Variants in CFAP300 observed in about 807,000 individuals in gnomAD.
CFAP300 encodes cilia- and flagella-associated protein 300.
Under a neutral mutation model 33.0 loss-of-function variants are expected in CFAP300, and 32 were observed. The ratio of observed to expected loss-of-function variants is 0.97; its 90% CI spans 0.73 to 1.30. CFAP300 has a LOEUF of 1.30. Ranked by LOEUF, CFAP300 falls within the 50% of genes most tolerant of loss-of-function variation. The pLI, the probability that CFAP300 is intolerant of heterozygous loss-of-function variation, is 0.00. For synonymous variants in CFAP300, 102 were observed against 106.8 expected, an observed-to-expected ratio of 0.95 and a Z score of 0.28; for missense variants, 356 against 318.1, an observed-to-expected ratio of 1.12 and a Z score of -0.90.
intron 3 of CFAP300, 26 bp from the exon 4 acceptor site, chr11:102,066,459 A>T: frequency 6.6e-7 from 1 of 1,524,292 alleles, no homozygotes; most frequent in Non-Finnish European, 8.9e-7. Context: ...TTCTATCTCC[A>T]TTCTTTATAA....
At chr11:102,056,009 C>T (rs2135018219) in intron 2 of CFAP300, among the ~76,000 whole-genome samples, 1 of 152,190 alleles carries the variant, frequency 6.6e-6, no homozygotes, top group East Asian at 1.9e-4. Flanking sequence ...TATGGTTTTT[C>T]CTCAAAATCA....
At chr11:102,075,172 A>T (rs1942378029) in intron 4 of CFAP300, among the ~76,000 whole-genome samples, 1 of 152,258 alleles carries the variant, frequency 6.6e-6, no homozygotes, top group South Asian at 2.1e-4. Context: ...GTTATATCTT[A>T]CATTGGTCAC....
chr11:102,074,385 A>G (rs1436809712), intron 4 of CFAP300, among the ~76,000 whole-genome samples: 1 of 152,022 alleles, frequency 6.6e-6, no homozygotes, highest in Non-Finnish European at 1.5e-5. Context: ...GGGGTCTTTC[A>G]CTTACCATTT....
At position 102,064,115 on chromosome 11, in the gene CFAP300, C is replaced by G. The variant is rs189748605; in HGVS notation, c.269-2370C>G. ...CCATAGAAAATGCTATTTTTTATGT[C>G]TCAATATATGAATTTTGAAGAGATA... On this transcript the variant is annotated intron_variant, in intron 3 of 6. Coordinates refer to ENST00000434758, the MANE Select transcript of CFAP300 (RefSeq NM_032930.3). Among the ~76,000 whole-genome samples the G allele has an allele frequency of 4.0e-3, 602 of 152,192 alleles. 8 individuals are homozygous for G. The highest frequency in any genetic ancestry group is 0.03 in the Admixed American group (453 of 15,290).
intron 4 of CFAP300, among the ~76,000 whole-genome samples, chr11:102,069,495 T>C (rs1400097976): frequency 1.3e-5 from 2 of 152,162 alleles, no homozygotes; most frequent in African/African-American, 4.8e-5. Flanking sequence ...TTAAAAATTA[T>C]TATATTTTTT....
At chr11:102,053,349 C>G (rs2135013982) in intron 2 of CFAP300, among the ~76,000 whole-genome samples, 1 of 151,850 alleles carries the variant, frequency 6.6e-6, no homozygotes, top group East Asian at 1.9e-4. Context: ...GTCGGGAGTT[C>G]AAGACCAGCC....
chr11:102,084,478 T>C lies in CFAP300; in HGVS notation c.*1279T>C, dbSNP rs1300625126. On this transcript the variant is annotated 3_prime_UTR_variant, in exon 7 of 7. Transcript: ENST00000434758. ...AATGACTTGGCATATTAAATGTTTATTGAATGAATAACTACTTTCTAGATA... is the reference window on the plus strand; with the variant it reads ...AATGACTTGGCATATTAAATGTTTACTGAATGAATAACTACTTTCTAGATA... The C allele has an allele frequency of 1.3e-5, 2 of 152,252 alleles. No homozygotes were observed. The highest frequency in any genetic ancestry group is 2.9e-5 in the Non-Finnish European group (2 of 68,050). 9.4% of individuals were successfully genotyped at this position (152,252 alleles called of 1,614,324 possible).
At chr11:102,063,378 T>C (rs987853661) in intron 3 of CFAP300, among the ~76,000 whole-genome samples, 1 of 152,272 alleles carries the variant, frequency 6.6e-6, no homozygotes, top group Non-Finnish European at 1.5e-5. Flanking sequence ...CTGTCCCACC[T>C]ATGTATTTTG....
chr11:102,059,658 A>G (rs1942114959), intron 3 of CFAP300, among the ~76,000 whole-genome samples: 1 of 152,114 alleles, frequency 6.6e-6, no homozygotes, highest in Non-Finnish European at 1.5e-5. Flanking sequence ...AAAACTAAAA[A>G]AAATGTAAAA....
intron 2 of CFAP300, chr11:102,057,837 A>T (rs1326848729): frequency 1.3e-5 from 2 of 152,274 alleles, no homozygotes; most frequent in African/African-American, 4.8e-5. Flanking sequence ...CCTAGGTTAG[A>T]AGGGAGTGAT....
intron 3 of CFAP300, among the ~76,000 whole-genome samples, chr11:102,062,620 C>T (rs1383152314): frequency 6.6e-6 from 1 of 152,114 alleles, no homozygotes; most frequent in African/African-American, 2.4e-5. Context: ...AAAGTAATGT[C>T]TTGCTTATAG....
At chr11:102,055,578 C>T (rs1387043638) in intron 2 of CFAP300, among the ~76,000 whole-genome samples, 1 of 150,518 alleles carries the variant, frequency 6.6e-6, no homozygotes, top group Non-Finnish European at 1.5e-5. Flanking sequence ...AGGCTGGTCT[C>T]GAACTCCTGA....
At chr11:102,061,701 G>A (rs1803820005) in intron 3 of CFAP300, among the ~76,000 whole-genome samples, 2 of 152,330 alleles carry the variant, frequency 1.3e-5, no homozygotes, top group South Asian at 4.1e-4. Context: ...ACTCGACTGA[G>A]TGAGCAGAGG....
chr11:102,083,209 A>G lies in CFAP300; in HGVS notation c.*10A>G. The G allele has an allele frequency of 6.8e-7, 1 of 1,467,568 alleles. No homozygotes were observed. The highest frequency in any genetic ancestry group is 1.5e-5 in the South Asian group (1 of 65,696). 90.9% of individuals were successfully genotyped at this position (1,467,568 alleles called of 1,614,324 possible). ...GGGAGACATGTCTTAATGTTCTTTC[A>G]GATTATGTACCTCTACTATTTTGTA... On this transcript the variant is annotated 3_prime_UTR_variant, in exon 7 of 7. Transcript: ENST00000434758.
intron 2 of CFAP300, among the ~76,000 whole-genome samples, chr11:102,054,924 C>T (rs1051073619): frequency 4.6e-5 from 7 of 151,872 alleles, no homozygotes; most frequent in Non-Finnish European, 7.4e-5. Context: ...TACTCCCTAC[C>T]CTCTCAACCC....
intron 4 of CFAP300, among the ~76,000 whole-genome samples, chr11:102,072,320 T>G (rs1425692314): frequency 6.6e-6 from 1 of 152,132 alleles, no homozygotes; most frequent in Non-Finnish European, 1.5e-5. Context: ...AGTTCTAGGA[T>G]TTCTGTTTGG....
At chr11:102,047,676 A>G in intron 1 of CFAP300, 96 bp downstream of exon 1, 3 of 1,459,974 alleles carry the variant, frequency 2.1e-6, no homozygotes, top group African/African-American at 1.4e-5. Flanking sequence ...GGTCGGCGCC[A>G]TTCTGAGTGA....
At chr11:102,065,084 T>C (rs752843530) in intron 3 of CFAP300, among the ~76,000 whole-genome samples, 1 of 152,140 alleles carries the variant, frequency 6.6e-6, no homozygotes, top group African/African-American at 2.4e-5. Flanking sequence ...ATACTATAAA[T>C]GAGATCCCAA....
chr11:102,056,369 A>C (rs1942056755), intron 2 of CFAP300, among the ~76,000 whole-genome samples: 1 of 152,228 alleles, frequency 6.6e-6, no homozygotes, highest in African/African-American at 2.4e-5. Flanking sequence ...TTTATTGTTC[A>C]AGATAATAGC....
Sources: allele counts gnomAD v4.1 joint callset (sites outside exome capture counted in the v4.1 genomes callset), GRCh38; gene constraint gnomAD v4.1.1; transcripts MANE v1.5; gene names NCBI Gene and HGNC (gene_info 2026-07-23, HGNC 2026-07-21).